The following NR2C2 variants were observed in gnomAD, a reference collection of about 807,000 sequenced individuals.
The protein encoded by NR2C2 is nuclear receptor subfamily 2 group C member 2.
Under a neutral mutation model 62.9 loss-of-function variants are expected in NR2C2, and 6 were observed. The observed-to-expected ratio is 0.10, with a 90% CI of 0.05 to 0.19. NR2C2 has a LOEUF of 0.19. NR2C2 is among the 10% of genes least tolerant of loss of function. The pLI, the probability that NR2C2 is intolerant of heterozygous loss-of-function variation, is 1.00. For synonymous variants in NR2C2, 272 were observed against 273.8 expected (o/e 0.99, Z 0.07); for missense variants, 479 against 762.7 (o/e 0.63, Z 4.38).
At chr3:14,992,515 TTG>T (rs1158933324) in intron 1 of NR2C2, among the ~76,000 whole-genome samples, 1 of 152,114 alleles carries the variant, frequency 6.6e-6, no homozygotes, top group Non-Finnish European at 1.5e-5. Context: ...TAAGCATTCA[TTG>T]TGGGCCTAAT....
At chr3:15,034,918 C>A in intron 11 of NR2C2, 109 bp downstream of exon 11, 2 of 1,170,650 alleles carry the variant, frequency 1.7e-6, no homozygotes, top group Non-Finnish European at 2.3e-6. Flanking sequence ...CCTTTGTTGA[C>A]CCAGGCTGGC....
intron 5 of NR2C2, among the ~76,000 whole-genome samples, chr3:15,021,358 GTCT>G (rs912872687): frequency 4.6e-5 from 7 of 152,164 alleles, no homozygotes; most frequent in African/African-American, 1.4e-4. Context: ...CCTACTCCCT[GTCT>G]TCTTAGCCCC....
rs765121543 is a variant in NR2C2 at position 15,049,134 on chromosome 3, GTGTT to G, written c.*6130_*6133del. ...GTCTTGAAGAAGAATTTGCATTGTT[GTGTT>G]TGTATATAGAGTATTGCAGTGCATG... On this transcript the variant is annotated 3_prime_UTR_variant, in exon 14 of 14. Coordinates refer to ENST00000425241, the MANE Select transcript of NR2C2 (RefSeq NM_001291694.2). 2 of 152,586 alleles carry G rather than the reference GTGTT, an allele frequency of 1.3e-5. No homozygotes were observed. The highest frequency in any genetic ancestry group is 4.8e-5 in the African/African-American group (2 of 41,442). 9.5% of individuals were successfully genotyped at this position (152,586 alleles called of 1,614,324 possible). A position where few individuals can be genotyped will look rare whatever the true frequency, so the allele number is the denominator to read the frequency against.
At chr3:14,971,389 A>G (rs1429384864) in intron 1 of NR2C2, among the ~76,000 whole-genome samples, 1 of 151,704 alleles carries the variant, frequency 6.6e-6, no homozygotes, top group East Asian at 1.9e-4. Context: ...AAGTGCTGGG[A>G]TTACAGGCAT....
intron 1 of NR2C2, among the ~76,000 whole-genome samples, chr3:14,951,504 T>C (rs115446338): frequency 0.016 from 2,413 of 152,302 alleles, 68 homozygotes; most frequent in African/African-American, 0.054. Context: ...TGGGTTTTTT[T>C]TTCTGTCTTG....
Position 15,047,698 on chromosome 3 carries a change from A to G in NR2C2, c.*4690A>G, listed in dbSNP as rs1003295182. ...TAGTAATTCCCATCTTTCTATCGCCAGTTAAAAATAAACAACCTACCAAGT... is the reference window on the plus strand; with the variant it reads ...TAGTAATTCCCATCTTTCTATCGCCGGTTAAAAATAAACAACCTACCAAGT... On this transcript the variant is annotated 3_prime_UTR_variant, in exon 14 of 14. Coordinates refer to ENST00000425241, the MANE Select transcript of NR2C2 (RefSeq NM_001291694.2). The G allele has an allele frequency of 5.3e-5, 8 of 152,234 alleles. No homozygotes were observed. Among genetic ancestry groups the G allele is most frequent in the African/African-American group, 1.9e-4 (8 of 41,466 alleles). 9.4% of individuals were successfully genotyped at this position (152,234 alleles called of 1,614,324 possible).
intron 2 of NR2C2, among the ~76,000 whole-genome samples, chr3:15,004,982 A>G (rs998369774): frequency 6.6e-6 from 1 of 151,624 alleles, no homozygotes; most frequent in African/African-American, 2.4e-5. Context: ...TGAACTCCTG[A>G]CCTCAAGTGA....
intron 1 of NR2C2, among the ~76,000 whole-genome samples, chr3:14,984,413 T>A (rs867121425): frequency 1.3e-4 from 20 of 152,216 alleles, no homozygotes; most frequent in African/African-American, 4.8e-4. Flanking sequence ...TATCTCAGCC[T>A]TTCTTCTTTT....
chr3:15,044,033 GGAGTGTGAGC>G lies in NR2C2; in HGVS notation c.*1027_*1036del, dbSNP rs1328804649. The G allele has an allele frequency of 6.6e-6, 1 of 152,164 alleles. No homozygotes were observed. Among genetic ancestry groups the G allele is most frequent in the Non-Finnish European group, 1.5e-5 (1 of 68,048 alleles). 9.4% of individuals were successfully genotyped at this position (152,164 alleles called of 1,614,324 possible). A position where few individuals can be genotyped will look rare whatever the true frequency, so the allele number is the denominator to read the frequency against. On this transcript the variant is annotated 3_prime_UTR_variant, in exon 14 of 14. Coordinates refer to ENST00000425241, the MANE Select transcript of NR2C2 (RefSeq NM_001291694.2). ...TGTCCAGATGGAGGAGTGTGGCCTT[GGAGTGTGAGC>G]GTTACCTTCCCAGGGCTTTCCACTC... is the stretch of plus-strand genomic sequence containing the variant.
chr3:15,020,034 TA>T lies in NR2C2; in HGVS notation c.377-718del, dbSNP rs1272702513. ...CCTCATAAATATGGACATGGACAAT[TA>T]CAATGTATCAGAAATAAAAAGAGAC... On this transcript the variant is annotated intron_variant, in intron 4 of 13. Coordinates refer to ENST00000425241, the MANE Select transcript of NR2C2 (RefSeq NM_001291694.2). Among the ~76,000 whole-genome samples the T allele has an allele frequency of 1.4e-4, 22 of 152,312 alleles. 4 individuals carry two copies. Among genetic ancestry groups the T allele is most frequent in the East Asian group, 1.3e-3 (7 of 5,194 alleles).
chr3:14,955,672 GC>G (rs1477776293), intron 1 of NR2C2, among the ~76,000 whole-genome samples: 1 of 152,164 alleles, frequency 6.6e-6, no homozygotes, highest in Non-Finnish European at 1.5e-5. Flanking sequence ...ATTAAATCAT[GC>G]CTAGTTTGAT....
intron 1 of NR2C2, among the ~76,000 whole-genome samples, chr3:14,963,994 A>G (rs1398745277): frequency 1.3e-5 from 2 of 152,176 alleles, no homozygotes; most frequent in Non-Finnish European, 2.9e-5. Context: ...ATATTTTATT[A>G]TTATATTTTT....
chr3:15,039,509 T>C (rs1394190796), intron 13 of NR2C2, among the ~76,000 whole-genome samples: 1 of 152,180 alleles, frequency 6.6e-6, no homozygotes, highest in Non-Finnish European at 1.5e-5. Flanking sequence ...GAGCGAGGCC[T>C]CAGATTGCTA....
At chr3:14,982,565 A>G (rs1389907219) in intron 1 of NR2C2, among the ~76,000 whole-genome samples, 4 of 152,074 alleles carry the variant, frequency 2.6e-5, no homozygotes, top group Non-Finnish European at 5.9e-5. Flanking sequence ...CCAATGTTTT[A>G]TGTTCTATGA....
chr3:15,023,142 T>A, intron 5 of NR2C2, 58 bp from the exon 6 acceptor site: 2 of 1,587,184 alleles, frequency 1.3e-6, no homozygotes, highest in Non-Finnish European at 1.7e-6. Flanking sequence ...TTTTCCCTTG[T>A]GGTTTTTATT....
chr3:15,032,603 A>T, intron 10 of NR2C2, 103 bp downstream of exon 10: 8 of 1,405,840 alleles, frequency 5.7e-6, no homozygotes, highest in Non-Finnish European at 7.9e-6. Context: ...GACTGTTTCT[A>T]TGACCTCATT....
At position 15,046,116 on chromosome 3, in the gene NR2C2, T is replaced by G. The variant is rs2042440366; in HGVS notation, c.*3108T>G. 2 of 152,238 alleles carry G rather than the reference T, an allele frequency of 1.3e-5. No homozygotes were observed. The highest frequency in any genetic ancestry group is 4.1e-4 in the South Asian group (2 of 4,834). 9.4% of individuals were successfully genotyped at this position (152,238 alleles called of 1,614,324 possible). On this transcript the variant is annotated 3_prime_UTR_variant, in exon 14 of 14. Coordinates refer to ENST00000425241, the MANE Select transcript of NR2C2 (RefSeq NM_001291694.2). The stretch of plus-strand genomic sequence containing the variant: ...TAAGGAAGTGTGTTACCTACCATAC[T>G]CTCCTAATTTGACATTTCTGTGTCC...
In NR2C2 at chr3:15,043,932, T is replaced by C. The variant is rs1028635733; in HGVS notation, c.*924T>C. 6.6e-6 allele frequency: 1 copy of C among 152,224 alleles called. No individual in the cohort carries two copies. Among genetic ancestry groups the C allele is most frequent in the Non-Finnish European group, 1.5e-5 (1 of 68,046 alleles). 9.4% of individuals were successfully genotyped at this position (152,224 alleles called of 1,614,324 possible). A position where few individuals can be genotyped will look rare whatever the true frequency, so the allele number is the denominator to read the frequency against. ...CCGCCGCTCGTGGCAGATGGAGCCT[T>C]GTGACCAAAAAGTGCAAGGTGGGCA... is the stretch of plus-strand genomic sequence containing the variant. On this transcript the variant is annotated 3_prime_UTR_variant, in exon 14 of 14. Transcript: ENST00000425241.
intron 7 of NR2C2, 54 bp from the exon 8 acceptor site, chr3:15,028,532 G>C: frequency 6.4e-7 from 1 of 1,569,834 alleles, no homozygotes; most frequent in Non-Finnish European, 8.7e-7. Flanking sequence ...ATTGGCCTGA[G>C]AGTCATTTGC....
Sources: allele counts gnomAD v4.1 joint callset (sites outside exome capture counted in the v4.1 genomes callset), GRCh38; gene constraint gnomAD v4.1.1; transcripts MANE v1.5; gene names NCBI Gene and HGNC (gene_info 2026-07-23, HGNC 2026-07-21).